The following LMO3 variants were observed in gnomAD, a reference collection of about 807,000 sequenced individuals.
The protein encoded by LMO3 is LIM domain only protein 3.
LMO3 carries 2 observed loss-of-function variants against 15.8 expected under a neutral mutation model. The observed-to-expected ratio is 0.13, with a 90% CI of 0.05 to 0.40. The LOEUF (loss-of-function observed/expected upper bound fraction) is 0.40. LMO3 is among the 10% of genes least tolerant of loss of function. The pLI, the probability that LMO3 is intolerant of heterozygous loss-of-function variation, is 0.99. For synonymous variants in LMO3, 62 were observed against 63.8 expected, an observed-to-expected ratio of 0.97 and a Z score of 0.13; for missense variants, 86 against 182.2, an observed-to-expected ratio of 0.47 and a Z score of 3.04.
chr12:16,569,618 A>C (rs77169138), intron 2 of LMO3, among the ~76,000 whole-genome samples: 4,897 of 152,264 alleles, frequency 0.032, 102 homozygotes, highest in Admixed American at 0.072. Flanking sequence ...TGATGAGAAA[A>C]ATATTTCCAG....
intron 2 of LMO3, among the ~76,000 whole-genome samples, chr12:16,579,292 C>G (rs1943089377): frequency 6.6e-6 from 1 of 152,122 alleles, no homozygotes; most frequent in Non-Finnish European, 1.5e-5. Flanking sequence ...CAAATTTGTT[C>G]AGATAATTAT....
At chr12:16,605,613 C>G (rs1414862054) in intron 1 of LMO3, 1 of 744,414 alleles carries the variant, frequency 1.3e-6, no homozygotes, top group Non-Finnish European at 2.1e-6. Flanking sequence ...GGGGAGGGGT[C>G]CGGAAACCCA....
chr12:16,556,972 C>T (rs563045633), intron 3 of LMO3, among the ~76,000 whole-genome samples: 16 of 152,180 alleles, frequency 1.1e-4, no homozygotes, highest in East Asian at 7.7e-4. Flanking sequence ...AATAGTATTT[C>T]GCAGCAATAA....
chr12:16,595,437 C>T (rs535350111), intron 2 of LMO3, among the ~76,000 whole-genome samples: 2 of 151,426 alleles, frequency 1.3e-5, no homozygotes, highest in African/African-American at 4.8e-5. Context: ...AGTTTTTGCT[C>T]AGGAAGTCTA....
At chr12:16,590,316 ATT>A (rs1218994922) in intron 2 of LMO3, among the ~76,000 whole-genome samples, 1 of 152,082 alleles carries the variant, frequency 6.6e-6, no homozygotes, top group African/African-American at 2.4e-5. Context: ...CTCATGTAAC[ATT>A]TGTCTCATCA....
intron 3 of LMO3, among the ~76,000 whole-genome samples, chr12:16,558,441 T>C (rs941252040): frequency 2.0e-5 from 3 of 152,104 alleles, no homozygotes; most frequent in African/African-American, 7.2e-5. Context: ...TCAACAAAAG[T>C]ATTCTAAATT....
At position 16,584,164 on chromosome 12, in the gene LMO3, G is replaced by C. The variant is rs1943248175; in HGVS notation, c.206+16491C>G. ...GAGGGAAATGACAGCAGTGAGTAGG[G>C]GTAAAAGGTAGTATAATTAGATGTA... On this transcript the variant is annotated intron_variant, in intron 2 of 3. Transcript: ENST00000537304. This position sits in a 1 kb window ranked among gnomAD's most constrained non-coding sequence, Gnocchi z 5.2. 6.6e-6 allele frequency among the ~76,000 whole-genome samples: 1 copy of C among 152,026 alleles called. No homozygotes were observed. Among genetic ancestry groups the C allele is most frequent in the South Asian group, 2.1e-4 (1 of 4,810 alleles).
Position 16,586,339 on chromosome 12 carries a change from A to C in LMO3, c.206+14316T>G, listed in dbSNP as rs1943318501. 6.6e-6 allele frequency among the ~76,000 whole-genome samples: 1 copy of C among 152,180 alleles called. No homozygotes were observed. The highest frequency in any genetic ancestry group is 2.1e-4 in the South Asian group (1 of 4,822). On this transcript the variant is annotated intron_variant, in intron 2 of 3. Coordinates refer to ENST00000537304, the MANE Select transcript of LMO3 (RefSeq NM_018640.5). The surrounding 1 kb of genome is among the most constrained non-coding windows in gnomAD (Gnocchi z 4.3). ...ATACGGAACAACTAAGAAACAACTA[A>C]AACACGTGCATGAATGGAGAACCAC... is the stretch of plus-strand genomic sequence containing the variant.
At position 16,603,756 on chromosome 12, in the gene LMO3, G is replaced by A. The variant is rs1943900704; in HGVS notation, c.-9+2310C>T. 6.6e-6 allele frequency among the ~76,000 whole-genome samples: 1 copy of A among 152,080 alleles called. No homozygotes were observed. Among genetic ancestry groups the A allele is most frequent in the African/African-American group, 2.4e-5 (1 of 41,386 alleles). On this transcript the variant is annotated intron_variant, in intron 1 of 3. Transcript: ENST00000537304. This position sits in a 1 kb window ranked among gnomAD's most constrained non-coding sequence, Gnocchi z 4.9. ...TTGATTGCCTCCATTATGTTCCCTT[G>A]TTCTGTACCATTCATCCGCACAGTC...
In LMO3 at chr12:16,560,017, A is replaced by C. The variant is rs763397536; in HGVS notation, c.332+396T>G. Among the ~76,000 whole-genome samples, 3 of 152,080 alleles carry C rather than the reference A, an allele frequency of 2.0e-5. No individual in the cohort carries two copies. The highest frequency in any genetic ancestry group is 2.9e-5 in the Non-Finnish European group (2 of 68,010). ...GGAATTTAAAATATAAAAAATAATA[A>C]GAATATAAAATACCTGCAACAAATT... On this transcript the variant is annotated intron_variant, in intron 3 of 3. Coordinates refer to ENST00000537304, the MANE Select transcript of LMO3 (RefSeq NM_018640.5). The surrounding 1 kb of genome is among the most constrained non-coding windows in gnomAD (Gnocchi z 5.0).
chr12:16,566,855 A>C (rs1591787280), intron 2 of LMO3, among the ~76,000 whole-genome samples: 1 of 152,282 alleles, frequency 6.6e-6, no homozygotes, highest in East Asian at 1.9e-4. Context: ...CTGAATGAAA[A>C]GGAAAGAGAA....
Position 16,597,985 on chromosome 12 carries a change from C to A in LMO3, c.206+2670G>T, listed in dbSNP as rs1440376788. On this transcript the variant is annotated intron_variant, in intron 2 of 3. Transcript: ENST00000537304. This position sits in a 1 kb window ranked among gnomAD's most constrained non-coding sequence, Gnocchi z 5.0. Reference sequence around the variant, plus strand: ...AGGTGTACCTTCCTTTTTCCTTTAGCTAATTTCACCCATTGCCTGAAATCA... The same window carrying A: ...AGGTGTACCTTCCTTTTTCCTTTAGATAATTTCACCCATTGCCTGAAATCA... 6.6e-6 allele frequency: 1 copy of A among 151,922 alleles called. No homozygotes were observed. The highest frequency in any genetic ancestry group is 6.6e-5 in the Admixed American group (1 of 15,236). 9.4% of individuals were successfully genotyped at this position (151,922 alleles called of 1,614,324 possible). A position where few individuals can be genotyped will look rare whatever the true frequency, so the allele number is the denominator to read the frequency against.
At chr12:16,558,868 T>G (rs945699504) in intron 3 of LMO3, among the ~76,000 whole-genome samples, 7 of 152,202 alleles carry the variant, frequency 4.6e-5, no homozygotes, top group Non-Finnish European at 8.8e-5. Flanking sequence ...AAATTAATTA[T>G]TTCATTTAAG....
chr12:16,567,025 T>C (rs531864808), intron 2 of LMO3, among the ~76,000 whole-genome samples: 1 of 152,060 alleles, frequency 6.6e-6, no homozygotes, highest in Non-Finnish European at 1.5e-5. Context: ...CAAAACCCCA[T>C]CTCTACTAAA....
At position 16,596,375 on chromosome 12, in the gene LMO3, T is replaced by G. The variant is rs909254788; in HGVS notation, c.206+4280A>C. Among the ~76,000 whole-genome samples the G allele has an allele frequency of 6.6e-6, 1 of 151,570 alleles. No individual in the cohort carries two copies. The highest frequency in any genetic ancestry group is 1.9e-4 in the East Asian group (1 of 5,190). On this transcript the variant is annotated intron_variant, in intron 2 of 3. Transcript: ENST00000537304. The surrounding 1 kb of genome is among the most constrained non-coding windows in gnomAD (Gnocchi z 4.3). ...TTATATAAGACATTTTACAGCTTCT[T>G]ATATAGGAAAAGCTATAAGCAGCTT...
intron 2 of LMO3, among the ~76,000 whole-genome samples, chr12:16,566,331 A>C (rs2137389099): frequency 6.6e-6 from 1 of 152,032 alleles, no homozygotes; most frequent in South Asian, 2.1e-4. Flanking sequence ...GTGTTCTGTT[A>C]TTGCACAGTA....
At chr12:16,592,571 C>G (rs1345876379) in intron 2 of LMO3, among the ~76,000 whole-genome samples, 2 of 152,074 alleles carry the variant, frequency 1.3e-5, no homozygotes, top group South Asian at 2.1e-4. Context: ...CCATCCACTT[C>G]CCTTACTCCT....
intron 2 of LMO3, among the ~76,000 whole-genome samples, chr12:16,569,888 T>C (rs1052150606): frequency 1.6e-4 from 25 of 152,136 alleles, no homozygotes; most frequent in African/African-American, 6.0e-4. Flanking sequence ...ATCTTTAAAG[T>C]AATAGAAACA....
rs540131619 is a variant in LMO3, at chr12:16,585,628, G to A, written c.206+15027C>T. Reference sequence around the variant, plus strand: ...ATGTTCCCACCTGTATTTTCTTTCCGTTGAAGTCCACCCATTCCAATTATT... The same window carrying A: ...ATGTTCCCACCTGTATTTTCTTTCCATTGAAGTCCACCCATTCCAATTATT... On this transcript the variant is annotated intron_variant, in intron 2 of 3. Coordinates refer to ENST00000537304, the MANE Select transcript of LMO3 (RefSeq NM_018640.5). The surrounding 1 kb of genome is among the most constrained non-coding windows in gnomAD (Gnocchi z 4.7). 5.9e-5 allele frequency among the ~76,000 whole-genome samples: 9 copies of A among 152,058 alleles called. No individual in the cohort carries two copies. Among genetic ancestry groups the A allele is most frequent in the South Asian group, 2.1e-4 (1 of 4,822 alleles).
Sources: allele counts gnomAD v4.1 joint callset (sites outside exome capture counted in the v4.1 genomes callset), GRCh38; gene constraint gnomAD v4.1.1; non-coding constraint Gnocchi (gnomAD v3.1); transcripts MANE v1.5; gene names NCBI Gene and HGNC (gene_info 2026-07-23, HGNC 2026-07-21).